TGFBR3: variants seen among roughly 807,000 people sequenced by gnomAD.
TGFBR3 encodes transforming growth factor beta receptor 3.
TGFBR3 carries 46 observed loss-of-function variants against 87.9 expected under a neutral mutation model. That is an observed-to-expected ratio of 0.52 (90% CI 0.41 to 0.67). The LOEUF (loss-of-function observed/expected upper bound fraction) is 0.67, where lower values mean the gene tolerates loss of function less well. TGFBR3 is among the 30% of genes least tolerant of loss of function. The pLI is 0.00. For synonymous variants in TGFBR3, 381 were observed against 391.6 expected (o/e 0.97, Z 0.32); for missense variants, 866 against 1,041.9 (o/e 0.83, Z 2.32).
chr1:91,810,098 G>A (rs1675977880), intron 2 of TGFBR3, among the ~76,000 whole-genome samples: 1 of 152,126 alleles, frequency 6.6e-6, no homozygotes, highest in African/African-American at 2.4e-5. Flanking sequence ...TGGCTTTGTT[G>A]CCCAGGCTGG....
intron 8 of TGFBR3, among the ~76,000 whole-genome samples, chr1:91,720,488 G>A (rs1050136118): frequency 6.6e-6 from 1 of 152,164 alleles, no homozygotes; most frequent in African/African-American, 2.4e-5. Flanking sequence ...TAAATTAAGT[G>A]GTTGGAAATG....
In TGFBR3 at chr1:91,861,578, C is replaced by A. The variant is rs1678196237; in HGVS notation, c.-47G>T. ...TCTCGTCCAGTCACTTCAGCCTGCT[C>A]AGAGCACAGACAATCTTTGCAAATC... On this transcript the variant is annotated 5_prime_UTR_variant, in exon 2 of 17. Coordinates refer to ENST00000212355, the MANE Select transcript of TGFBR3 (RefSeq NM_003243.5). The A allele has an allele frequency of 6.9e-7, 1 of 1,454,378 alleles. No homozygotes were observed. Among genetic ancestry groups the A allele is most frequent in the South Asian group, 1.1e-5 (1 of 87,748 alleles). The allele number at this position is 1,454,378 out of a possible 1,614,324, so 90.1% of individuals were successfully genotyped here.
At chr1:91,766,276 T>C (rs1156410746) in intron 3 of TGFBR3, 1 of 137,726 alleles carries the variant, frequency 7.3e-6, no homozygotes, top group Non-Finnish European at 1.5e-5. Context: ...TCTCAAGCAA[T>C]CCTCCCACCT....
At chr1:91,792,648 A>T (rs1011447706) in intron 3 of TGFBR3, among the ~76,000 whole-genome samples, 4 of 152,234 alleles carry the variant, frequency 2.6e-5, no homozygotes, top group African/African-American at 7.2e-5. Context: ...AAAGTATGTT[A>T]CTGTAAACAA....
chr1:91,827,547 G>A (rs562302151), intron 2 of TGFBR3, among the ~76,000 whole-genome samples: 28 of 152,272 alleles, frequency 1.8e-4, no homozygotes, highest in Non-Finnish European at 3.7e-4. Context: ...CAGCCCCAAA[G>A]GATGAGCAGG....
intron 2 of TGFBR3, among the ~76,000 whole-genome samples, chr1:91,853,259 C>CAAAAAA (rs11340974): frequency 7.8e-5 from 6 of 76,598 alleles, no homozygotes; most frequent in Admixed American, 1.4e-4. Context: ...TGAGGGTTGG[C>CAAAAAA]AAAAAAAAAA....
Position 91,778,720 on chromosome 1 carries a change from T to C in TGFBR3, c.246+18567A>G, listed in dbSNP as rs536518018. Among the ~76,000 whole-genome samples, 9 of 152,356 alleles carry C rather than the reference T, an allele frequency of 5.9e-5. No individual in the cohort carries two copies. The South Asian group carries it at 1.9e-3, about 32-fold the overall frequency. On this transcript the variant is annotated intron_variant, in intron 3 of 16. Transcript: ENST00000212355. ...CTGCTTACTATGTAGTGGGCACTGT[T>C]CTAATTCCTGGCAATACCAACTAAA...
At chr1:91,855,951 A>C (rs1010048630) in intron 2 of TGFBR3, among the ~76,000 whole-genome samples, 1 of 151,790 alleles carries the variant, frequency 6.6e-6, no homozygotes, top group African/African-American at 2.4e-5. Flanking sequence ...CTAATTTCTA[A>C]TCAAGAGGCA....
intron 2 of TGFBR3, among the ~76,000 whole-genome samples, chr1:91,846,836 T>G (rs1407846224): frequency 6.6e-6 from 1 of 152,176 alleles, no homozygotes; most frequent in African/African-American, 2.4e-5. Flanking sequence ...ATCTATTTTT[T>G]TCACTATCTA....
intron 2 of TGFBR3, among the ~76,000 whole-genome samples, chr1:91,891,518 C>T (rs886753634): frequency 1.3e-5 from 2 of 151,412 alleles, no homozygotes; most frequent in Admixed American, 6.6e-5. Flanking sequence ...AAAAAAAACT[C>T]GATTCTTTAA....
intron 16 of TGFBR3, among the ~76,000 whole-genome samples, chr1:91,688,946 C>G (rs1412620309): frequency 6.6e-6 from 1 of 152,048 alleles, no homozygotes; most frequent in Non-Finnish European, 1.5e-5. Context: ...ACAGATGCAG[C>G]TGGAACAGAC....
At chr1:91,743,014 C>G (rs1571463901) in intron 4 of TGFBR3, among the ~76,000 whole-genome samples, 2 of 152,286 alleles carry the variant, frequency 1.3e-5, no homozygotes, top group African/African-American at 4.8e-5. Context: ...GCAACCAGCC[C>G]TTTGTTTCCA....
At chr1:91,818,535 T>C (rs932418586) in intron 2 of TGFBR3, among the ~76,000 whole-genome samples, 3 of 152,166 alleles carry the variant, frequency 2.0e-5, no homozygotes, top group Admixed American at 2.0e-4. Context: ...CAATTGAGTA[T>C]GTTCCCTGTG....
chr1:91,740,128 C>T (rs1320475412), intron 4 of TGFBR3, among the ~76,000 whole-genome samples: 2 of 151,834 alleles, frequency 1.3e-5, no homozygotes, highest in Admixed American at 6.6e-5. Context: ...GGTGCGATCT[C>T]GGCTCACTGC....
chr1:91,842,673 G>T lies in TGFBR3; in HGVS notation c.61+18798C>A, dbSNP rs184777246. Among the ~76,000 whole-genome samples, 7 of 152,270 alleles carry T rather than the reference G, an allele frequency of 4.6e-5. No homozygotes were observed. The East Asian group carries it at 9.7e-4, about 21-fold the overall frequency. On this transcript the variant is annotated intron_variant, in intron 2 of 16. Transcript: ENST00000212355. Reference sequence around the variant, plus strand: ...AATGCATTCTGCCCATAATAAGGTTGTTCTAGCTCTCTCTCCCCCTCTTTT... The same window carrying T: ...AATGCATTCTGCCCATAATAAGGTTTTTCTAGCTCTCTCTCCCCCTCTTTT...
At chr1:91,801,099 A>G (rs72716444) in intron 2 of TGFBR3, 704 of 175,014 alleles carry the variant, frequency 4.0e-3, no homozygotes, top group African/African-American at 0.011. Flanking sequence ...AAAAAAAAAA[A>G]AGAGAGAGAG....
Position 91,722,765 on chromosome 1 carries a change from T to C in TGFBR3, c.886-621A>G, listed in dbSNP as rs188725289. Among the ~76,000 whole-genome samples, 217 of 152,332 alleles carry C rather than the reference T, an allele frequency of 1.4e-3. 1 individual carries two copies. In the Middle Eastern group the frequency reaches 0.017, roughly 12 times the overall value. On this transcript the variant is annotated intron_variant, in intron 7 of 16. Transcript: ENST00000212355. ...GCTATATGGTACAGCCTACTGCTCC[T>C]AGGCTACAAACCTGCACAGCATGTT...
chr1:91,829,741 A>C (rs1423724777), intron 2 of TGFBR3: 3 of 151,798 alleles, frequency 2.0e-5, no homozygotes, highest in Non-Finnish European at 4.4e-5. Context: ...GTTCCAGACA[A>C]GGGGTTTTTT....
At chr1:91,745,232 T>C (rs1055186156) in intron 4 of TGFBR3, among the ~76,000 whole-genome samples, 2 of 152,184 alleles carry the variant, frequency 1.3e-5, no homozygotes, top group Admixed American at 1.3e-4. Flanking sequence ...CCTGCCCTAC[T>C]CCCAGCTTTC....
Sources: gnomAD v4.1 joint callset for allele counts (sites outside exome capture counted in the v4.1 genomes callset) on GRCh38, gnomAD v4.1.1 for gene constraint, MANE v1.5 for transcripts, NCBI Gene and HGNC (gene_info 2026-07-23, HGNC 2026-07-21) for gene names.